CNTNAP2: variants seen among roughly 807,000 people sequenced by gnomAD.
CNTNAP2 encodes the protein contactin associated protein 2, also known as contactin-associated protein-like 2.
In CNTNAP2, 98 loss-of-function variants were observed where a neutral mutation model predicts 155.2. The observed-to-expected ratio is 0.63, with a 90% confidence interval of 0.54 to 0.75. CNTNAP2 has a LOEUF of 0.75. CNTNAP2 is among the 30% of genes least tolerant of loss of function. The probability of loss-of-function intolerance (pLI) is 0.00; values close to 1 mark genes in which losing one functional copy is unlikely to be tolerated. For synonymous variants in CNTNAP2, 651 were observed against 631.2 expected (o/e 1.03, Z -0.47); for missense variants, 1,727 against 1,688.1 (o/e 1.02, Z -0.40).
chr7:148,403,127 A>G (rs1361368181), intron 22 of CNTNAP2, among the ~76,000 whole-genome samples: 2 of 50,734 alleles, frequency 3.9e-5, no homozygotes, highest in Non-Finnish European at 8.9e-5. Flanking sequence ...TGTGGGCGCT[A>G]AAGCCTTAGC....
At chr7:146,374,291 G>A (rs1490841240) in intron 1 of CNTNAP2, among the ~76,000 whole-genome samples, 1 of 152,114 alleles carries the variant, frequency 6.6e-6, no homozygotes. Context: ...TTTATGAAGT[G>A]CACAGATTTT....
At chr7:147,526,357 A>G (rs1308592881) in intron 11 of CNTNAP2, among the ~76,000 whole-genome samples, 1 of 152,188 alleles carries the variant, frequency 6.6e-6, no homozygotes, top group Admixed American at 6.5e-5. Context: ...GAAGAAAATT[A>G]AGCAGTTTCT....
intron 9 of CNTNAP2, among the ~76,000 whole-genome samples, chr7:147,328,739 C>A (rs887334561): frequency 6.6e-6 from 1 of 152,130 alleles, no homozygotes; most frequent in African/African-American, 2.4e-5. Context: ...AGCCCCCACC[C>A]TTATACATGC....
intron 3 of CNTNAP2, among the ~76,000 whole-genome samples, chr7:146,932,620 T>G (rs1489287637): frequency 6.6e-6 from 1 of 152,098 alleles, no homozygotes; most frequent in Admixed American, 6.6e-5. Flanking sequence ...TAAAGGGTAT[T>G]CAATTAGGAA....
chr7:147,757,546 T>C (rs10265558), intron 13 of CNTNAP2, among the ~76,000 whole-genome samples: 52,970 of 151,972 alleles, frequency 0.35, 10,062 homozygotes, highest in African/African-American at 0.49. Context: ...TTCCACCTCC[T>C]TCCATGTAAA....
chr7:147,920,677 C>T (rs1359948424), intron 14 of CNTNAP2, among the ~76,000 whole-genome samples: 1 of 152,132 alleles, frequency 6.6e-6, no homozygotes, highest in Admixed American at 6.6e-5. Flanking sequence ...GACTATCTGG[C>T]AGTCCTTGGA....
intron 8 of CNTNAP2, among the ~76,000 whole-genome samples, chr7:147,155,106 C>T (rs543558312): frequency 4.6e-5 from 7 of 152,144 alleles, no homozygotes; most frequent in African/African-American, 9.6e-5. Context: ...ATCCTAACCG[C>T]GGAGGTGAGA....
At chr7:148,294,039 CAAAAAAAAAAA>C (rs10607772) in intron 21 of CNTNAP2, among the ~76,000 whole-genome samples, 9 of 70,044 alleles carry the variant, frequency 1.3e-4, no homozygotes, top group South Asian at 8.1e-4. Flanking sequence ...GGCTCCATCT[CAAAAAAAAAAA>C]AAAAAAAAAA....
At chr7:147,155,547 A>G (rs1474760648) in intron 8 of CNTNAP2, among the ~76,000 whole-genome samples, 2 of 152,132 alleles carry the variant, frequency 1.3e-5, no homozygotes, top group African/African-American at 4.8e-5. Flanking sequence ...GGATGTAATT[A>G]ACAGAGTGCA....
At chr7:148,358,169 C>T (rs768383413) in intron 21 of CNTNAP2, among the ~76,000 whole-genome samples, 22 of 152,174 alleles carry the variant, frequency 1.4e-4, no homozygotes, top group Non-Finnish European at 1.8e-4. Context: ...TCTGAGGGAA[C>T]ACACAGCCAG....
intron 1 of CNTNAP2, among the ~76,000 whole-genome samples, chr7:146,265,293 C>A (rs2129082378): frequency 6.6e-6 from 1 of 152,094 alleles, no homozygotes; most frequent in East Asian, 1.9e-4. Flanking sequence ...CATTTAATAA[C>A]ATTTAAAGTG....
intron 8 of CNTNAP2, among the ~76,000 whole-genome samples, chr7:147,228,493 G>A (rs1041933888): frequency 1.3e-5 from 2 of 152,168 alleles, no homozygotes; most frequent in Non-Finnish European, 2.9e-5. Flanking sequence ...TGTTAAAAGA[G>A]GGAAGACTGA....
intron 1 of CNTNAP2, among the ~76,000 whole-genome samples, chr7:146,386,039 G>C (rs1276762841): frequency 6.6e-6 from 1 of 152,098 alleles, no homozygotes; most frequent in African/African-American, 2.4e-5. Flanking sequence ...CTCATTCCCT[G>C]CTGGCCTTAT....
intron 13 of CNTNAP2, among the ~76,000 whole-genome samples, chr7:147,889,056 G>A (rs1370086500): frequency 6.6e-6 from 1 of 151,984 alleles, no homozygotes; most frequent in Non-Finnish European, 1.5e-5. Flanking sequence ...GTATTGTTTA[G>A]GAAGAGAATA....
At chr7:146,789,808 G>A (rs1802638975) in intron 2 of CNTNAP2, among the ~76,000 whole-genome samples, 1 of 151,026 alleles carries the variant, frequency 6.6e-6, no homozygotes, top group Non-Finnish European at 1.5e-5. Context: ...ACACACCTGG[G>A]AAAAAGCAGT....
intron 11 of CNTNAP2, among the ~76,000 whole-genome samples, chr7:147,516,268 A>G (rs1799124785): frequency 6.6e-6 from 1 of 152,178 alleles, no homozygotes; most frequent in East Asian, 1.9e-4. Context: ...TAGAACAAAA[A>G]AATAGACAAA....
chr7:148,243,728 T>A (rs1796201073), intron 20 of CNTNAP2, among the ~76,000 whole-genome samples: 1 of 151,852 alleles, frequency 6.6e-6, no homozygotes, highest in African/African-American at 2.4e-5. Flanking sequence ...AAAATGAGAT[T>A]TGGGTAGAGA....
At chr7:146,232,696 T>A (rs549339091) in intron 1 of CNTNAP2, among the ~76,000 whole-genome samples, 1 of 152,270 alleles carries the variant, frequency 6.6e-6, no homozygotes, top group Admixed American at 6.5e-5. Context: ...CCTATACACT[T>A]ATTCATTCAT....
intron 2 of CNTNAP2, among the ~76,000 whole-genome samples, chr7:146,778,799 C>A (rs1802434172): frequency 6.6e-6 from 1 of 152,178 alleles, no homozygotes; most frequent in Non-Finnish European, 1.5e-5. Flanking sequence ...AACTTTCAAC[C>A]TTGTACTTCA....
Sources: allele counts gnomAD v4.1 joint callset (sites outside exome capture counted in the v4.1 genomes callset), GRCh38; gene constraint gnomAD v4.1.1; transcripts MANE v1.5; gene names NCBI Gene and HGNC (gene_info 2026-07-23, HGNC 2026-07-21).